INPP4B: variants seen among roughly 807,000 people sequenced by gnomAD.
INPP4B encodes inositol polyphosphate-4-phosphatase type II B.
A neutral mutation model predicts 122.5 loss-of-function variants in INPP4B; 55 were observed. That is an observed-to-expected ratio of 0.45 (90% CI 0.36 to 0.56). INPP4B has a LOEUF of 0.56. Among genes scored for constraint, INPP4B ranks in the 20% least tolerant of loss-of-function variants. INPP4B has a pLI of 0.00. For synonymous variants in INPP4B, 403 were observed against 388.7 expected (o/e 1.04, Z -0.43); for missense variants, 1,000 against 1,097.7 (o/e 0.91, Z 1.26).
chr4:142,178,988 G>A (rs972001828), intron 15 of INPP4B, among the ~76,000 whole-genome samples: 2 of 151,930 alleles, frequency 1.3e-5, no homozygotes, highest in Non-Finnish European at 2.9e-5. Flanking sequence ...GTTTAATAAC[G>A]GGCTTCATGC....
Position 142,479,223 on chromosome 4 carries a change from A to G in INPP4B, c.-190-16497T>C, listed in dbSNP as rs547684883. ...CAAACATATGAAAAAAATGCTCCAC[A>G]TCATTAATTGTTAGAAAAATGCAAA... On this transcript the variant is annotated intron_variant, in intron 2 of 25. Transcript: ENST00000262992. Among the ~76,000 whole-genome samples the G allele has an allele frequency of 2.6e-4, 39 of 152,330 alleles. 1 individual carries two copies. Among genetic ancestry groups the G allele is most frequent in the African/African-American group, 8.9e-4 (37 of 41,588 alleles).
chr4:142,358,650 TAAAAAA>T (rs11443003), intron 7 of INPP4B, among the ~76,000 whole-genome samples: 3 of 117,652 alleles, frequency 2.5e-5, no homozygotes, highest in African/African-American at 6.6e-5. Context: ...CAGTGATTTA[TAAAAAA>T]AAAAAAAAAA....
Position 142,286,298 on chromosome 4 carries a change from A to G in INPP4B, c.504-15524T>C, listed in dbSNP as rs3775678. Among the ~76,000 whole-genome samples, 637 of 152,330 alleles carry G rather than the reference A, an allele frequency of 4.2e-3. 36 individuals are homozygous for G. In the East Asian group the frequency reaches 0.1, roughly 25 times the overall value. On this transcript the variant is annotated intron_variant, in intron 9 of 25. Coordinates refer to ENST00000262992, the MANE Select transcript of INPP4B (RefSeq NM_001101669.3). ...TTTAGAGATTTCCGATTATAAGAAAATTTATCTATTAGTAGTTAAATGGCC... is the reference window on the plus strand; with the variant it reads ...TTTAGAGATTTCCGATTATAAGAAAGTTTATCTATTAGTAGTTAAATGGCC...
At chr4:142,300,171 C>G (rs1760788716) in intron 9 of INPP4B, among the ~76,000 whole-genome samples, 1 of 152,116 alleles carries the variant, frequency 6.6e-6, no homozygotes. Flanking sequence ...TACAGGATTC[C>G]AGCAACAAAC....
intron 2 of INPP4B, among the ~76,000 whole-genome samples, chr4:142,606,193 A>C (rs927193362): frequency 1.3e-5 from 2 of 151,862 alleles, no homozygotes; most frequent in African/African-American, 4.8e-5. Context: ...GCACTAAAAA[A>C]CTTTAATCTC....
chr4:142,651,140 A>G (rs747950628), intron 2 of INPP4B, among the ~76,000 whole-genome samples: 5 of 152,340 alleles, frequency 3.3e-5, no homozygotes, highest in Non-Finnish European at 4.4e-5. Flanking sequence ...TAACAAAATT[A>G]AGGAAGAAAT....
chr4:142,498,905 T>G (rs1354253655), intron 2 of INPP4B, among the ~76,000 whole-genome samples: 1 of 152,218 alleles, frequency 6.6e-6, no homozygotes, highest in Non-Finnish European at 1.5e-5. Flanking sequence ...TAGAAGATAC[T>G]CTTTACAATG....
intron 25 of INPP4B, among the ~76,000 whole-genome samples, chr4:142,038,540 A>G (rs1745357919): frequency 6.6e-6 from 1 of 152,328 alleles, no homozygotes; most frequent in African/African-American, 2.4e-5. Flanking sequence ...TTCTACCCAC[A>G]TGTGTACTTT....
chr4:142,246,103 C>T (rs1244463280), intron 11 of INPP4B, among the ~76,000 whole-genome samples: 1 of 145,776 alleles, frequency 6.9e-6, no homozygotes, highest in Non-Finnish European at 1.5e-5. Flanking sequence ...TGTGTGTATA[C>T]ACACATATAT....
At chr4:142,351,534 T>C (rs1477883784) in intron 7 of INPP4B, among the ~76,000 whole-genome samples, 1 of 151,994 alleles carries the variant, frequency 6.6e-6, no homozygotes, top group African/African-American at 2.4e-5. Context: ...AAGGGTAACA[T>C]TTTGTTAATC....
intron 2 of INPP4B, among the ~76,000 whole-genome samples, chr4:142,713,992 A>C (rs1403406495): frequency 6.6e-6 from 1 of 152,230 alleles, no homozygotes; most frequent in Non-Finnish European, 1.5e-5. Context: ...ATACACTAAA[A>C]TATAGAAGGC....
intron 10 of INPP4B, among the ~76,000 whole-genome samples, chr4:142,265,112 C>T (rs1189358003): frequency 1.3e-5 from 2 of 152,188 alleles, no homozygotes; most frequent in East Asian, 3.9e-4. Flanking sequence ...ACTGAACAGG[C>T]TGGCACCTTG....
Position 142,277,180 on chromosome 4 carries a change from CTTT to C in INPP4B, c.504-6409_504-6407del, listed in dbSNP as rs961485419. The stretch of plus-strand genomic sequence containing the variant: ...TAGCCCACTTTTTGATGGGATTGTT[CTTT>C]TTTTTTTTTCTTGCTGATTTGTTTG... On this transcript the variant is annotated intron_variant, in intron 9 of 25. Transcript: ENST00000262992. Among the ~76,000 whole-genome samples, 8 of 139,936 alleles carry C rather than the reference CTTT, an allele frequency of 5.7e-5. No homozygotes were observed. In the South Asian group the frequency reaches 1.8e-3, roughly 31 times the overall value. 91.8% of individuals were successfully genotyped at this position (139,936 alleles called of 152,430 possible). A position where few individuals can be genotyped will look rare whatever the true frequency, so the allele number is the denominator to read the frequency against.
At chr4:142,664,162 A>G (rs1755653556) in intron 2 of INPP4B, among the ~76,000 whole-genome samples, 1 of 152,190 alleles carries the variant, frequency 6.6e-6, no homozygotes, top group African/African-American at 2.4e-5. Flanking sequence ...TAAGAGAGGC[A>G]TCTTATAGAT....
chr4:142,214,650 T>C (rs1419040131), intron 12 of INPP4B, among the ~76,000 whole-genome samples: 1 of 152,176 alleles, frequency 6.6e-6, no homozygotes, highest in Non-Finnish European at 1.5e-5. Flanking sequence ...CCTCCCTGGT[T>C]CCAGTGATTC....
At chr4:142,332,176 T>C (rs541218657) in intron 7 of INPP4B, among the ~76,000 whole-genome samples, 2 of 152,316 alleles carry the variant, frequency 1.3e-5, no homozygotes, top group South Asian at 4.1e-4. Context: ...AACCAAGCTA[T>C]TTAACATGAC....
chr4:142,806,806 A>AG (rs1778885976), intron 1 of INPP4B, among the ~76,000 whole-genome samples: 1 of 148,198 alleles, frequency 6.7e-6, no homozygotes, highest in African/African-American at 2.5e-5. Flanking sequence ...AAAGAAAGAA[A>AG]GAAAGAAAGA....
chr4:142,218,126 A>C (rs1023778405), intron 12 of INPP4B, among the ~76,000 whole-genome samples: 1 of 151,932 alleles, frequency 6.6e-6, no homozygotes, highest in African/African-American at 2.4e-5. Flanking sequence ...CATCACACTG[A>C]TTTCTCTCTG....
intron 2 of INPP4B, among the ~76,000 whole-genome samples, chr4:142,500,305 G>A (rs868041028): frequency 6.6e-6 from 1 of 152,188 alleles, no homozygotes; most frequent in South Asian, 2.1e-4. Flanking sequence ...TCAGGTGGGT[G>A]AGACTCCTTG....
Sources: allele counts gnomAD v4.1 joint callset (sites outside exome capture counted in the v4.1 genomes callset), GRCh38; gene constraint gnomAD v4.1.1; transcripts MANE v1.5; gene names NCBI Gene and HGNC (gene_info 2026-07-23, HGNC 2026-07-21).